ADAMTS17: variants seen among roughly 807,000 people sequenced by gnomAD.
The protein encoded by ADAMTS17 is A disintegrin and metalloproteinase with thrombospondin motifs 17.
ADAMTS17 carries 113 observed loss-of-function variants against 141.5 expected under a neutral mutation model. That is an observed-to-expected ratio of 0.80 (90% CI 0.69 to 0.93). ADAMTS17 has a LOEUF of 0.93. ADAMTS17 is among the 40% of genes least tolerant of loss of function. The probability of loss-of-function intolerance (pLI) is 0.00; values close to 1 mark genes in which losing one functional copy is unlikely to be tolerated. For synonymous variants in ADAMTS17, 768 were observed against 630.6 expected, an observed-to-expected ratio of 1.22 and a Z score of -3.27; for missense variants, 1,659 against 1,517.9, an observed-to-expected ratio of 1.09 and a Z score of -1.54.
chr15:100,207,449 G>C (rs1224223210), intron 7 of ADAMTS17, among the ~76,000 whole-genome samples: 1 of 152,106 alleles, frequency 6.6e-6, no homozygotes, highest in African/African-American at 2.4e-5. Flanking sequence ...GGGTCCCCTT[G>C]CTCAAACATG....
intron 3 of ADAMTS17, among the ~76,000 whole-genome samples, chr15:100,293,740 G>T (rs1445541832): frequency 6.6e-6 from 1 of 152,152 alleles, no homozygotes; most frequent in East Asian, 1.9e-4. Context: ...CTAGACTACG[G>T]GGACCCAAAC....
chr15:100,171,284 T>C (rs1259198272), intron 8 of ADAMTS17, among the ~76,000 whole-genome samples: 1 of 152,118 alleles, frequency 6.6e-6, no homozygotes, highest in African/African-American at 2.4e-5. Context: ...CCCCCTTCCT[T>C]CCTTCCTTCT....
At chr15:100,262,253 G>A (rs2141997784) in intron 5 of ADAMTS17, 99 bp downstream of exon 5, 5 of 1,081,134 alleles carry the variant, frequency 4.6e-6, no homozygotes, top group Non-Finnish European at 7.0e-6. Flanking sequence ...GACGGAGACT[G>A]GCAACTCCCT....
At chr15:100,099,510 C>T (rs147404771) in intron 14 of ADAMTS17, among the ~76,000 whole-genome samples, 1 of 152,196 alleles carries the variant, frequency 6.6e-6, no homozygotes, top group Non-Finnish European at 1.5e-5. Flanking sequence ...GATGACCAAG[C>T]CTGAGGAAAC....
chr15:99,977,389 TATATATATATAA>T (rs1416948372), intron 20 of ADAMTS17, among the ~76,000 whole-genome samples: 426 of 12,896 alleles, frequency 0.033, 84 homozygotes, highest in African/African-American at 0.067. Context: ...TATATATATA[TATATATATATAA>T]TTTTTTTTTT....
intron 4 of ADAMTS17, among the ~76,000 whole-genome samples, chr15:100,280,456 A>G (rs1408913462): frequency 6.6e-6 from 1 of 152,004 alleles, no homozygotes; most frequent in African/African-American, 2.4e-5. Context: ...TCCATCCTGC[A>G]TGCAGCTGCT....
At chr15:100,142,677 G>A (rs541073210) in intron 10 of ADAMTS17, among the ~76,000 whole-genome samples, 1 of 152,166 alleles carries the variant, frequency 6.6e-6, no homozygotes, top group South Asian at 2.1e-4. Context: ...AGGCAGAATG[G>A]GGCCCTGGGC....
intron 18 of ADAMTS17, among the ~76,000 whole-genome samples, chr15:100,021,822 T>A (rs1567684846): frequency 6.6e-6 from 1 of 152,122 alleles, no homozygotes; most frequent in Non-Finnish European, 1.5e-5. Flanking sequence ...GGCTGTTGGC[T>A]GTTCCTTCAC....
chr15:100,206,030 C>T (rs1347373485), intron 7 of ADAMTS17, among the ~76,000 whole-genome samples: 1 of 152,200 alleles, frequency 6.6e-6, no homozygotes, highest in Non-Finnish European at 1.5e-5. Flanking sequence ...GCTGAGGGCC[C>T]CTCAGTGAGC....
At chr15:100,262,753 TA>T (rs1205337854) in intron 4 of ADAMTS17, among the ~76,000 whole-genome samples, 1 of 137,658 alleles carries the variant, frequency 7.3e-6, no homozygotes, top group Non-Finnish European at 1.6e-5. Context: ...AAATCAATAT[TA>T]AAAATATAGG....
At chr15:100,139,130 G>A (rs1176597947) in intron 10 of ADAMTS17, among the ~76,000 whole-genome samples, 2 of 151,788 alleles carry the variant, frequency 1.3e-5, no homozygotes, top group East Asian at 3.9e-4. Context: ...TGGCTCTTTG[G>A]GGGGAAACTA....
At chr15:100,089,079 C>T (rs1011925961) in intron 15 of ADAMTS17, among the ~76,000 whole-genome samples, 4 of 151,786 alleles carry the variant, frequency 2.6e-5, no homozygotes, top group African/African-American at 9.7e-5. Flanking sequence ...AAAATTTTTG[C>T]AATCTACTCA....
chr15:100,336,900 G>A (rs1041736249), intron 2 of ADAMTS17, among the ~76,000 whole-genome samples: 2 of 152,184 alleles, frequency 1.3e-5, no homozygotes, highest in Non-Finnish European at 2.9e-5. Context: ...CTACTCATCA[G>A]CTGGCTGAGC....
intron 3 of ADAMTS17, among the ~76,000 whole-genome samples, chr15:100,328,587 T>C (rs1353448303): frequency 6.6e-6 from 1 of 152,238 alleles, no homozygotes; most frequent in Non-Finnish European, 1.5e-5. Flanking sequence ...CTTGCGTGGC[T>C]GCTCTTGTTT....
intron 16 of ADAMTS17, among the ~76,000 whole-genome samples, chr15:100,052,162 G>A (rs900431159): frequency 1.3e-5 from 2 of 152,178 alleles, no homozygotes; most frequent in African/African-American, 4.8e-5. Context: ...GAGCAATTGG[G>A]GTGACTCTAT....
intron 4 of ADAMTS17, among the ~76,000 whole-genome samples, 191 bp from the exon 5 acceptor site, chr15:100,262,626 A>G (rs2043564300): frequency 6.6e-6 from 1 of 152,144 alleles, no homozygotes; most frequent in African/African-American, 2.4e-5. Context: ...ATGCCATTCT[A>G]ATATGAGAGG....
intron 7 of ADAMTS17, 109 bp downstream of exon 7, chr15:100,254,027 G>T: frequency 9.6e-7 from 1 of 1,037,494 alleles, no homozygotes; most frequent in Non-Finnish European, 1.5e-6. Flanking sequence ...GAAGGCAACA[G>T]AATGTGCAGT....
At chr15:99,981,288 G>A (rs1248377322) in intron 20 of ADAMTS17, among the ~76,000 whole-genome samples, 1 of 152,208 alleles carries the variant, frequency 6.6e-6, no homozygotes, top group South Asian at 2.1e-4. Flanking sequence ...TCATGGAAGG[G>A]TGTCTCCAAA....
chr15:100,306,380 C>T, intron 3 of ADAMTS17: 3 of 421,314 alleles, frequency 7.1e-6, no homozygotes, highest in Non-Finnish European at 1.4e-5. Flanking sequence ...GCATTGGGAG[C>T]CCTGGTGGCC....
Sources: gnomAD v4.1 joint callset for allele counts (sites outside exome capture counted in the v4.1 genomes callset) on GRCh38, gnomAD v4.1.1 for gene constraint, MANE v1.5 for transcripts, NCBI Gene and HGNC (gene_info 2026-07-23, HGNC 2026-07-21) for gene names.